Variants in ABITRAM observed in about 807,000 individuals in gnomAD.
ABITRAM encodes actin binding transcription modulator.
ABITRAM carries 19 observed loss-of-function variants against 22.9 expected under a neutral mutation model. The ratio of observed to expected loss-of-function variants is 0.83; its 90% CI spans 0.58 to 1.22. The LOEUF is 1.22. Among genes scored for constraint, ABITRAM ranks in the 50% most tolerant of loss-of-function variants. The probability of loss-of-function intolerance (pLI) is 0.00; values close to 1 mark genes in which losing one functional copy is unlikely to be tolerated. For missense variants in ABITRAM, 215 were observed against 220.2 expected (o/e 0.98, Z 0.15); for synonymous variants, 70 against 73.9 (o/e 0.95, Z 0.27).
Position 108,935,677 on chromosome 9 carries a change from A to G in ABITRAM, c.119A>G (p.Gln40Arg), listed in dbSNP as rs77465152. 1.6e-4 allele frequency: 262 copies of G among 1,613,362 alleles called. 2 individuals are homozygous for G. In the African/African-American group the frequency reaches 3.2e-3, roughly 20 times the overall value. The change falls in exon 2 of 6, where the codon CAG (glutamine) becomes CGG (arginine). Residue 40 changes from glutamine (Q) to arginine (R), a missense_variant. By Grantham distance (43) the Gln-to-Arg change is conservative. Transcript: ENST00000322940. ...TTTTGTGAGGACCACTGTATACTACAGCACTCTAACCGGTAAGCAAATTGG... is the reference window on the plus strand; with the variant it reads ...TTTTGTGAGGACCACTGTATACTACGGCACTCTAACCGGTAAGCAAATTGG... ...GKFCEDHCIL[Q>R]HSNRICVITL...
At chr9:108,934,598 C>T in intron 1 of ABITRAM, 33 bp downstream of exon 1, 1 of 1,569,800 alleles carries the variant, frequency 6.4e-7, no homozygotes, top group Non-Finnish European at 8.7e-7. Context: ...CCCTCCTTGG[C>T]CGCACTGGCC....
intron 3 of ABITRAM, among the ~76,000 whole-genome samples, chr9:108,949,959 G>A (rs999412323): frequency 5.4e-5 from 8 of 148,594 alleles, no homozygotes; most frequent in Non-Finnish European, 1.2e-4. Context: ...AGGAGGCGGA[G>A]GTTGCAGTGA....
intron 3 of ABITRAM, among the ~76,000 whole-genome samples, chr9:108,946,804 T>G (rs1830416381): frequency 6.6e-6 from 1 of 152,172 alleles, no homozygotes; most frequent in Non-Finnish European, 1.5e-5. Flanking sequence ...TGGAGACAAT[T>G]CATTGAACAT....
downstream of ABITRAM, among the ~76,000 whole-genome samples, chr9:108,945,403 T>C (rs750693478): frequency 2.0e-5 from 3 of 152,154 alleles, no homozygotes; most frequent in African/African-American, 2.4e-5. Context: ...CTTGGAACTC[T>C]AACCTTTTAA....
At chr9:108,945,179 A>G (rs1234194210), downstream of ABITRAM, among the ~76,000 whole-genome samples, 4 of 152,310 alleles carry the variant, frequency 2.6e-5, no homozygotes, top group South Asian at 6.2e-4. Context: ...TTGTACAGTC[A>G]TCCCTCAGTA....
chr9:108,946,297 CA>C (rs35064357), intron 3 of ABITRAM, among the ~76,000 whole-genome samples: 9,377 of 95,040 alleles, frequency 0.099, 635 homozygotes, highest in African/African-American at 0.28. Context: ...GACTAAGTCT[CA>C]AAAAAAAAAA....
At chr9:108,936,870 A>AG (rs1830195198) in intron 3 of ABITRAM, among the ~76,000 whole-genome samples, 1 of 152,134 alleles carries the variant, frequency 6.6e-6, no homozygotes, top group South Asian at 2.1e-4. Context: ...AAAAAAAAAA[A>AG]GAAAAACATG....
downstream of ABITRAM, chr9:108,943,586 G>T: frequency 1.4e-6 from 1 of 739,788 alleles, no homozygotes; most frequent in Non-Finnish European, 2.1e-6. Flanking sequence ...TTGTAGACAA[G>T]GCATGAAAAA....
Position 108,934,551 on chromosome 9 carries a change from G to A in ABITRAM, c.65G>A (p.Arg22His), listed in dbSNP as rs191923651. ...TCGCTCGTGGATCGATACTTCACTC[G>A]CTGGTACAAACCGGGTAAGTGCGGA... ...VPSLVDRYFTRWYKPDVKGKF... is the reference protein window; with the variant it reads ...VPSLVDRYFTHWYKPDVKGKF... The change falls in exon 1 of 6, where the codon CGC becomes CAC. Residue 22 changes from arginine (R) to histidine (H), a missense_variant. Transcript: ENST00000322940. 6 of 1,605,764 alleles carry A rather than the reference G, an allele frequency of 3.7e-6. No individual in the cohort carries two copies. Among genetic ancestry groups the A allele is most frequent in the Non-Finnish European group, 5.1e-6 (6 of 1,176,994 alleles).
In ABITRAM at chr9:108,936,418, T is replaced by C. The variant is rs762359423; in HGVS notation, c.242T>C (p.Val81Ala). The change falls in exon 3 of 6, where the codon GTC (valine) becomes GCC (alanine). Residue 81 changes from valine (V) to alanine (A), a missense_variant. By Grantham distance (64) the Val-to-Ala change is moderately conservative. Transcript: ENST00000322940. ...STNCSRLQNK[V>A]SGKFKRGAQF... ...AACTGTAGCAGACTTCAGAACAAGG[T>C]CTCTGGGAAATTTAAGCGGGTATGT... 1.2e-6 allele frequency: 2 copies of C among 1,613,574 alleles called. No individual in the cohort carries two copies.
intron 3 of ABITRAM, among the ~76,000 whole-genome samples, chr9:108,947,307 G>A (rs368433400): frequency 6.6e-6 from 1 of 152,052 alleles, no homozygotes; most frequent in Non-Finnish European, 1.5e-5. Context: ...TGGAGACAGG[G>A]TTCCACCGTG....
chr9:108,950,717 C>A, exon 4 of ABITRAM: 2 of 1,340,416 alleles, frequency 1.5e-6, no homozygotes, highest in Non-Finnish European at 2.0e-6. Flanking sequence ...GGTGACTTTG[C>A]AAAAATAAAT....
chr9:108,936,436 G>A lies in ABITRAM; in HGVS notation c.260G>A (p.Arg87Gln), dbSNP rs1191363908. The change falls in exon 3 of 6, where the codon CGG becomes CAG. Residue 87 changes from arginine (R) to glutamine (Q), a missense_variant and splice_region_variant. Arg to Gln is a conservative substitution (Grantham distance 43). Transcript: ENST00000322940. ...AACAAGGTCTCTGGGAAATTTAAGC[G>A]GGTATGTTCCTGTAATTCTGTGATT... ...LQNKVSGKFK[R>Q]GAQFLTELAP... 6.8e-6 allele frequency: 11 copies of A among 1,612,676 alleles called. No homozygotes were observed. The highest frequency in any genetic ancestry group is 4.5e-5 in the East Asian group (2 of 44,844).
intron 3 of ABITRAM, among the ~76,000 whole-genome samples, chr9:108,950,262 C>T (rs1830521073): frequency 6.6e-6 from 1 of 152,132 alleles, no homozygotes; most frequent in Non-Finnish European, 1.5e-5. Flanking sequence ...CACAGGAGTT[C>T]CATTTTGCAT....
chr9:108,949,967 T>C (rs923806658), intron 3 of ABITRAM, among the ~76,000 whole-genome samples: 1 of 145,006 alleles, frequency 6.9e-6, no homozygotes. Flanking sequence ...GAGGTTGCAG[T>C]GAGCCGAGAT....
chr9:108,937,758 C>T (rs180766903), intron 3 of ABITRAM, among the ~76,000 whole-genome samples: 8 of 151,638 alleles, frequency 5.3e-5, no homozygotes, highest in East Asian at 3.9e-4. Context: ...GAAGCCGAGG[C>T]GGGAAGATCA....
chr9:108,943,136 C>T (rs1198721812), downstream of ABITRAM: 1 of 1,175,342 alleles, frequency 8.5e-7, no homozygotes, highest in African/African-American at 1.6e-5. Context: ...AAAATTTCTC[C>T]ATATGGAAAT....
At chr9:108,946,284 C>T (rs1251933995) in intron 3 of ABITRAM, among the ~76,000 whole-genome samples, 13 of 141,304 alleles carry the variant, frequency 9.2e-5, no homozygotes, top group East Asian at 2.1e-4. Flanking sequence ...GACAACAGAG[C>T]GAGACTAAGT....
chr9:108,936,041 T>A, intron 2 of ABITRAM: 1 of 504,520 alleles, frequency 2.0e-6, no homozygotes, highest in Non-Finnish European at 3.5e-6. Flanking sequence ...CAGGCATGCC[T>A]TATTTCTTTG....
Sources: gnomAD v4.1 joint callset for allele counts (sites outside exome capture counted in the v4.1 genomes callset) on GRCh38, gnomAD v4.1.1 for gene constraint, MANE v1.5 for transcripts, NCBI Gene and HGNC (gene_info 2026-07-23, HGNC 2026-07-21) for gene names.